Variants in ZRANB2 observed in about 807,000 individuals in gnomAD.
The protein encoded by ZRANB2 is zinc finger RANBP2-type containing 2.
A neutral mutation model predicts 53.4 loss-of-function variants in ZRANB2; 19 were observed. The ratio of observed to expected loss-of-function variants is 0.36; its 90% CI spans 0.25 to 0.52. The LOEUF (loss-of-function observed/expected upper bound fraction) is 0.52, where lower values mean the gene tolerates loss of function less well. Ranked by LOEUF, ZRANB2 falls within the 20% of genes least tolerant of loss-of-function variation. The pLI is 0.93. For synonymous variants in ZRANB2, 145 were observed against 134.8 expected, an observed-to-expected ratio of 1.08 and a Z score of -0.52; for missense variants, 309 against 401.1, an observed-to-expected ratio of 0.77 and a Z score of 1.96.
chr1:71,068,517 G>C (rs1473728468), intron 8 of ZRANB2, among the ~76,000 whole-genome samples: 1 of 152,010 alleles, frequency 6.6e-6, no homozygotes, highest in Non-Finnish European at 1.5e-5. Context: ...TACTACTTAA[G>C]ACCACATCCT....
intron 8 of ZRANB2, among the ~76,000 whole-genome samples, chr1:71,069,023 T>C (rs1008174836): frequency 2.6e-5 from 4 of 152,084 alleles, no homozygotes; most frequent in African/African-American, 9.7e-5. Flanking sequence ...CATAACATCT[T>C]AGTGCCAAAA....
At chr1:71,065,681 G>T in intron 9 of ZRANB2, 1 of 1,610,504 alleles carries the variant, frequency 6.2e-7, no homozygotes, top group Non-Finnish European at 8.5e-7. Context: ...TATCAACCTG[G>T]GTAAAGTAGT....
In ZRANB2 at chr1:71,080,986, T is replaced by G; in HGVS notation, c.10A>C (p.Lys4Gln). The change falls in exon 1 of 10, where the codon AAG (lysine) becomes CAG (glutamine). Residue 4 changes from lysine (K) to glutamine (Q), a missense_variant. By Grantham distance (53) the Lys-to-Gln change is moderately conservative. Transcript: ENST00000370920. Reference sequence around the variant, plus strand: ...TCCCCGTCACTGACTCGGAAATTCTTGGTCGACATCTTGAACGCCACCAGC... The same window carrying G: ...TCCCCGTCACTGACTCGGAAATTCTGGGTCGACATCTTGAACGCCACCAGC... MST[K>Q]NFRVSDGDWI... 1.2e-6 allele frequency: 2 copies of G among 1,614,206 alleles called. No homozygotes were observed. The highest frequency in any genetic ancestry group is 3.3e-5 in the Admixed American group (2 of 60,026).
chr1:71,065,245 C>A, intron 9 of ZRANB2, 108 bp from the exon 10 acceptor site: 6 of 815,714 alleles, frequency 7.4e-6, no homozygotes, highest in East Asian at 2.9e-5. Flanking sequence ...ATGATGCTAG[C>A]AAAAAAATTA....
At chr1:71,066,996 A>G (rs1459320095) in intron 8 of ZRANB2, 62 bp from the exon 9 acceptor site, 1 of 1,459,192 alleles carries the variant, frequency 6.9e-7, no homozygotes, top group Non-Finnish European at 9.2e-7. Flanking sequence ...AAGATTATTT[A>G]GTTATCAGAT....
At chr1:71,071,330 T>TTA (rs1396647485) in intron 6 of ZRANB2, among the ~76,000 whole-genome samples, 1 of 152,172 alleles carries the variant, frequency 6.6e-6, no homozygotes, top group African/African-American at 2.4e-5. Context: ...CTCTAGCATA[T>TTA]TATAGTAACC....
chr1:71,064,850 T>C lies in ZRANB2; in HGVS notation c.*224A>G. On this transcript the variant is annotated 3_prime_UTR_variant, in exon 10 of 10. Coordinates refer to ENST00000370920, the MANE Select transcript of ZRANB2 (RefSeq NM_203350.3). ...AATGGTTTTAAATGAAGCAAATGGT[T>C]GTAAATAATGAATGACAGAACATCT... is the stretch of plus-strand genomic sequence containing the variant. 2.5e-6 allele frequency: 1 copy of C among 401,388 alleles called. No individual in the cohort carries two copies. The highest frequency in any genetic ancestry group is 4.5e-6 in the Non-Finnish European group (1 of 220,792). The allele number at this position is 401,388 out of a possible 1,614,324, so 24.9% of individuals were successfully genotyped here. A position where few individuals can be genotyped will look rare whatever the true frequency, so the allele number is the denominator to read the frequency against.
chr1:71,075,552 G>A (rs928403544), intron 4 of ZRANB2, among the ~76,000 whole-genome samples: 3 of 152,118 alleles, frequency 2.0e-5, no homozygotes, highest in African/African-American at 7.2e-5. Context: ...TTTGGGCTTA[G>A]AAGAAAACAC....
chr1:71,072,565 C>T lies in ZRANB2; in HGVS notation c.302-17G>A. ...CACCATATCCTTAAAAAAGAGGGCA[C>T]AAATTGTTACCCTATGACAATTGAT... On this transcript the variant is annotated splice_polypyrimidine_tract_variant and intron_variant, in intron 4 of 9. Coordinates refer to ENST00000370920, the MANE Select transcript of ZRANB2 (RefSeq NM_203350.3). 6.4e-7 allele frequency: 1 copy of T among 1,572,824 alleles called. No homozygotes were observed. The highest frequency in any genetic ancestry group is 8.7e-7 in the Non-Finnish European group (1 of 1,148,110).
At chr1:71,071,944 G>C (rs149368219) in intron 6 of ZRANB2, among the ~76,000 whole-genome samples, 177 bp downstream of exon 6, 78 of 152,234 alleles carry the variant, frequency 5.1e-4, no homozygotes, top group Admixed American at 2.1e-3. Flanking sequence ...TGTATCTCCA[G>C]AACAGTAGTG....
intron 4 of ZRANB2, among the ~76,000 whole-genome samples, chr1:71,073,097 A>T (rs1015891786): frequency 2.6e-5 from 4 of 152,132 alleles, no homozygotes; most frequent in South Asian, 4.1e-4. Flanking sequence ...ACACATAGGT[A>T]AAAGTCACAC....
intron 8 of ZRANB2, among the ~76,000 whole-genome samples, chr1:71,068,769 A>G (rs527907497): frequency 6.6e-6 from 1 of 151,720 alleles, no homozygotes; most frequent in South Asian, 2.1e-4. Flanking sequence ...TTTTATTTAC[A>G]TATGTAATTT....
At chr1:71,073,755 T>C (rs1011672701) in intron 4 of ZRANB2, among the ~76,000 whole-genome samples, 3 of 152,060 alleles carry the variant, frequency 2.0e-5, no homozygotes, top group Non-Finnish European at 4.4e-5. Context: ...ATAACTCTAG[T>C]AGTTAATTTT....
chr1:71,080,926 C>G lies in ZRANB2; in HGVS notation c.56+14G>C. The G allele has an allele frequency of 3.1e-6, 5 of 1,614,078 alleles. No individual in the cohort carries two copies. Among genetic ancestry groups the G allele is most frequent in the Non-Finnish European group, 4.2e-6 (5 of 1,179,922 alleles). ...ACAAACTCCGTCCCAATTCAGGACC[C>G]TTCTTGAACTCACTTTTTGTCAGGG... On this transcript the variant is annotated intron_variant, in intron 1 of 9. Coordinates refer to ENST00000370920, the MANE Select transcript of ZRANB2 (RefSeq NM_203350.3).
rs1219112197 is a variant in ZRANB2, at chr1:71,078,710, TA to T, written c.57-3del. 2 of 1,610,050 alleles carry T rather than the reference TA, an allele frequency of 1.2e-6. No individual in the cohort carries two copies. Among genetic ancestry groups the T allele is most frequent in the Non-Finnish European group, 8.5e-7 (1 of 1,177,352 alleles). ...CTAGCAAAGTTTACATTTCCACATC[TA>T]AAAACAGATTAAAAAGCATTTATAA... On this transcript the variant is annotated splice_polypyrimidine_tract_variant and splice_region_variant and intron_variant, in intron 1 of 9. Transcript: ENST00000370920.
chr1:71,079,808 C>A (rs1434556892), intron 1 of ZRANB2, among the ~76,000 whole-genome samples: 1 of 152,080 alleles, frequency 6.6e-6, no homozygotes, highest in Non-Finnish European at 1.5e-5. Context: ...TGAACGTTTT[C>A]AATAATGTCT....
intron 5 of ZRANB2, 74 bp downstream of exon 5, chr1:71,072,398 G>A: frequency 6.7e-7 from 1 of 1,495,974 alleles, no homozygotes; most frequent in South Asian, 1.3e-5. Flanking sequence ...AAAAAAGTTT[G>A]TTTTCCTTTG....
chr1:71,072,939 G>A (rs1296962329), intron 4 of ZRANB2, among the ~76,000 whole-genome samples: 1 of 152,060 alleles, frequency 6.6e-6, no homozygotes. Context: ...TTTACCAACT[G>A]CAAATAGTCT....
At position 71,066,851 on chromosome 1, in the gene ZRANB2, C is replaced by G; in HGVS notation, c.854G>C (p.Arg285Thr). Residue 285 changes from arginine (R) to threonine (T), a missense_variant, in exon 9 of 10, where the codon AGA becomes ACA. By Grantham distance (71) the Arg-to-Thr change is moderately conservative (BLOSUM62 -1). Coordinates refer to ENST00000370920, the MANE Select transcript of ZRANB2 (RefSeq NM_203350.3). ...SSSSSSPERN[R>T]KRSRSRSSSS... is the part of the protein sequence containing the mutation. ...AGAAGATCTAGAACGACTTCTCTTT[C>G]TGTTCCTCTCAGGAGAAGATGATGA... is the stretch of plus-strand genomic sequence containing the variant. The G allele has an allele frequency of 6.2e-7, 1 of 1,612,582 alleles. No homozygotes were observed. Among genetic ancestry groups the G allele is most frequent in the Non-Finnish European group, 8.5e-7 (1 of 1,179,536 alleles).
Sources: gnomAD v4.1 joint callset for allele counts (sites outside exome capture counted in the v4.1 genomes callset) on GRCh38, gnomAD v4.1.1 for gene constraint, MANE v1.5 for transcripts, NCBI Gene and HGNC (gene_info 2026-07-23, HGNC 2026-07-21) for gene names.